The following PAQR5 variants were observed in gnomAD, a reference collection of about 807,000 sequenced individuals.
The protein encoded by PAQR5 is progestin and adipoQ receptor family member 5.
A neutral mutation model predicts 34.5 loss-of-function variants in PAQR5; 20 were observed. That is an observed-to-expected ratio of 0.58 (90% CI 0.41 to 0.84). The LOEUF is 0.84. PAQR5 is among the 40% of genes least tolerant of loss of function. The pLI, the probability that PAQR5 is intolerant of heterozygous loss-of-function variation, is 0.00. For missense variants in PAQR5, 378 were observed against 412.7 expected (o/e 0.92, Z 0.73); for synonymous variants, 131 against 155.6 (o/e 0.84, Z 1.18).
chr15:69,379,497 C>T, intron 3 of PAQR5: 1 of 985,354 alleles, frequency 1.0e-6, no homozygotes, highest in Non-Finnish European at 1.2e-6. Flanking sequence ...GGCTTGCCAG[C>T]TCAGACAGAC....
At chr15:69,360,156 G>A (rs1245542902) in intron 3 of PAQR5, 25 bp downstream of exon 3, 4 of 1,591,016 alleles carry the variant, frequency 2.5e-6, no homozygotes, top group Non-Finnish European at 3.5e-6. Flanking sequence ...GATTATGATG[G>A]TTCATTTCCA....
In PAQR5 at chr15:69,379,891, T is replaced by A; in HGVS notation, c.60T>A (p.His20Gln). The change falls in exon 4 of 9, where the codon CAT becomes CAA. Residue 20 changes from histidine to glutamine, a missense_variant. By Grantham distance (24) the His-to-Gln change is conservative (BLOSUM62 0). Coordinates refer to ENST00000395407, the MANE Select transcript of PAQR5 (RefSeq NM_017705.4). ...FSIDQIPQVF[H>Q]EQGILFGYRH... ...TTCCTTTGCCTCTGCAGGTGTTCCA[T>A]GAGCAAGGCATCCTGTTCGGCTACC... The A allele has an allele frequency of 6.2e-7, 1 of 1,613,946 alleles. No homozygotes were observed. The highest frequency in any genetic ancestry group is 8.5e-7 in the Non-Finnish European group (1 of 1,179,986).
chr15:69,325,892 T>C (rs2054240148), intron 1 of PAQR5, among the ~76,000 whole-genome samples: 1 of 152,194 alleles, frequency 6.6e-6, no homozygotes, highest in Non-Finnish European at 1.5e-5. Flanking sequence ...CATCATCCCA[T>C]GAACCTGGCT....
In PAQR5 at chr15:69,389,688, G is replaced by T; in HGVS notation, c.420G>T (p.Pro140=). 1 of 1,614,172 alleles carries T rather than the reference G, an allele frequency of 6.2e-7. No homozygotes were observed. The highest frequency in any genetic ancestry group is 1.1e-5 in the South Asian group (1 of 91,070). Residue 140 remains proline (P), a synonymous_variant, in exon 6 of 9, where the codon CCG becomes CCT. Transcript: ENST00000395407. ...TTGCCTACTCTGCATACACGTTCCCGGATGCGCTCATGTGCACCACTTTCC... is the reference window on the plus strand; with the variant it reads ...TTGCCTACTCTGCATACACGTTCCCTGATGCGCTCATGTGCACCACTTTCC... The part of the protein sequence containing the change: ...SAIAYSAYTF[P]DALMCTTFHD...
At chr15:69,369,354 G>T (rs946634681) in intron 3 of PAQR5, among the ~76,000 whole-genome samples, 1 of 152,112 alleles carries the variant, frequency 6.6e-6, no homozygotes, top group African/African-American at 2.4e-5. Flanking sequence ...TGACCAACAT[G>T]GTGAAACCCT....
At chr15:69,367,860 C>T (rs1464830502) in intron 3 of PAQR5, among the ~76,000 whole-genome samples, 1 of 152,138 alleles carries the variant, frequency 6.6e-6, no homozygotes, top group Admixed American at 6.5e-5. Context: ...GTTAGTGGGC[C>T]TTTCAGAGTT....
chr15:69,320,090 G>A (rs1270666101), intron 1 of PAQR5, among the ~76,000 whole-genome samples: 1 of 152,262 alleles, frequency 6.6e-6, no homozygotes, highest in Non-Finnish European at 1.5e-5. Flanking sequence ...GAACCCAACA[G>A]TCAGGGCCTG....
intron 3 of PAQR5, 39 bp from the exon 4 acceptor site, chr15:69,379,844 C>G (rs2140915298): frequency 1.2e-6 from 2 of 1,604,368 alleles, no homozygotes; most frequent in East Asian, 2.2e-5. Context: ...GTGCCACCCT[C>G]TGGTCTCACC....
chr15:69,327,780 A>G (rs2054287904), intron 1 of PAQR5, among the ~76,000 whole-genome samples: 1 of 152,066 alleles, frequency 6.6e-6, no homozygotes, highest in Non-Finnish European at 1.5e-5. Context: ...GAGGGGACAA[A>G]CAGCTTTGAG....
At chr15:69,330,978 T>A (rs2054365850) in intron 1 of PAQR5, among the ~76,000 whole-genome samples, 1 of 152,206 alleles carries the variant, frequency 6.6e-6, no homozygotes, top group Non-Finnish European at 1.5e-5. Context: ...AGCCACCTAG[T>A]TCTCTTGGAC....
chr15:69,305,887 A>G (rs902878596), intron 1 of PAQR5, among the ~76,000 whole-genome samples: 4 of 152,094 alleles, frequency 2.6e-5, no homozygotes, highest in Admixed American at 2.6e-4. Context: ...TGGCAGGGGG[A>G]GGGGTTTGTT....
rs115430818 is a variant in PAQR5 at position 69,323,069 on chromosome 15, G to A, written c.-276-14272G>A. Among the ~76,000 whole-genome samples, 1,061 of 152,142 alleles carry A rather than the reference G, an allele frequency of 7.0e-3. 89 individuals carry two copies. The highest frequency in any genetic ancestry group is 0.024 in the African/African-American group (1,008 of 41,476). On this transcript the variant is annotated intron_variant, in intron 1 of 8. Transcript: ENST00000395407. ...TGGGGTTTTCCAGGACCTACTGCTG[G>A]GGACTGCGCTATTTTCTTGTTTGAA...
chr15:69,330,175 C>T (rs1212728879), intron 1 of PAQR5, among the ~76,000 whole-genome samples: 1 of 152,156 alleles, frequency 6.6e-6, no homozygotes, highest in African/African-American at 2.4e-5. Context: ...GTACTTGTTA[C>T]AATACACCAG....
chr15:69,300,849 CT>C (rs1306456837), intron 1 of PAQR5, among the ~76,000 whole-genome samples: 7 of 8,518 alleles, frequency 8.2e-4, no homozygotes, highest in South Asian at 0.01. Flanking sequence ...CGTTTTCTTT[CT>C]TTCTTTCTTT....
intron 2 of PAQR5, among the ~76,000 whole-genome samples, chr15:69,357,823 T>C (rs2055119939): frequency 6.6e-6 from 1 of 152,108 alleles, no homozygotes; most frequent in Non-Finnish European, 1.5e-5. Context: ...ACAAAACAAC[T>C]TCAAGTTCAA....
chr15:69,384,770 C>T lies in PAQR5; in HGVS notation c.273C>T (p.Ser91=), dbSNP rs1418854728. 1.9e-6 allele frequency: 3 copies of T among 1,613,556 alleles called. No homozygotes were observed. The African/African-American group carries it at 4.0e-5, about 22-fold the overall frequency. Residue 91 remains serine, a synonymous_variant, in exon 5 of 9, where the codon AGC becomes AGT. Coordinates refer to ENST00000395407, the MANE Select transcript of PAQR5 (RefSeq NM_017705.4). ...CCATGCTTGTGTACATGTGCACCAG[C>T]TGCGTGTACCCACTTGTGTCCAGCT... ...SWPMLVYMCT[S]CVYPLVSSCA...
chr15:69,366,489 A>T (rs1284425911), intron 3 of PAQR5, among the ~76,000 whole-genome samples: 1 of 152,206 alleles, frequency 6.6e-6, no homozygotes, highest in African/African-American at 2.4e-5. Flanking sequence ...TTGCTGGATC[A>T]TATGGTAACT....
chr15:69,304,347 T>A (rs541198314), intron 1 of PAQR5, among the ~76,000 whole-genome samples: 3 of 152,278 alleles, frequency 2.0e-5, no homozygotes, highest in East Asian at 3.9e-4. Flanking sequence ...CGTGAGTCAG[T>A]TGTTCATAAA....
At chr15:69,401,694 A>C (rs954328598) in intron 8 of PAQR5, among the ~76,000 whole-genome samples, 1 of 152,182 alleles carries the variant, frequency 6.6e-6, no homozygotes, top group African/African-American at 2.4e-5. Flanking sequence ...TTCCTAGAAA[A>C]TAGTTCATGA....
Sources: allele counts gnomAD v4.1 joint callset (sites outside exome capture counted in the v4.1 genomes callset), GRCh38; gene constraint gnomAD v4.1.1; transcripts MANE v1.5; gene names NCBI Gene and HGNC (gene_info 2026-07-23, HGNC 2026-07-21).